Variants in GNA14 observed in about 807,000 individuals in gnomAD.
GNA14 encodes the protein guanine nucleotide-binding protein subunit alpha-14.
Under a neutral mutation model 42.0 loss-of-function variants are expected in GNA14, and 50 were observed. The observed-to-expected ratio is 1.19, with a 90% CI of 0.95 to 1.51. The LOEUF is 1.51. Ranked by LOEUF, GNA14 falls within the 40% of genes most tolerant of loss-of-function variation. The pLI, the probability that GNA14 is intolerant of heterozygous loss-of-function variation, is 0.00. For missense variants in GNA14, 473 were observed against 446.2 expected, an observed-to-expected ratio of 1.06 and a Z score of -0.54; for synonymous variants, 173 against 163.1, an observed-to-expected ratio of 1.06 and a Z score of -0.46.
chr9:77,431,177 C>G, intron 4 of GNA14, 144 bp downstream of exon 4: 1 of 717,194 alleles, frequency 1.4e-6, no homozygotes. Flanking sequence ...ACCTACCTAC[C>G]ACAATTCTAA....
intron 1 of GNA14, among the ~76,000 whole-genome samples, chr9:77,642,098 T>C (rs563403981): frequency 1.3e-5 from 2 of 152,292 alleles, no homozygotes; most frequent in African/African-American, 4.8e-5. Context: ...ATGATGGAAG[T>C]GTTTATAGAT....
chr9:77,548,930 C>G (rs753871991), intron 1 of GNA14, among the ~76,000 whole-genome samples: 8 of 152,056 alleles, frequency 5.3e-5, no homozygotes, highest in Middle Eastern at 6.8e-3. Context: ...AATGAGAAAG[C>G]CTTTCTTTTT....
At chr9:77,498,481 G>C (rs528132212) in intron 2 of GNA14, among the ~76,000 whole-genome samples, 6 of 151,900 alleles carry the variant, frequency 3.9e-5, no homozygotes, top group Admixed American at 3.9e-4. Flanking sequence ...ATAGGGCCAA[G>C]CCCGTAGGAG....
intron 2 of GNA14, among the ~76,000 whole-genome samples, chr9:77,460,572 T>G (rs907962447): frequency 6.6e-6 from 1 of 152,134 alleles, no homozygotes; most frequent in East Asian, 1.9e-4. Context: ...TGACTGAGCC[T>G]TGGCTGGGAG....
chr9:77,646,927 G>A (rs1028019457), intron 1 of GNA14, among the ~76,000 whole-genome samples: 1 of 152,212 alleles, frequency 6.6e-6, no homozygotes, highest in Non-Finnish European at 1.5e-5. Flanking sequence ...CCTGCCAGAG[G>A]CACCAGGGCA....
At chr9:77,478,715 C>T (rs1836483045) in intron 2 of GNA14, among the ~76,000 whole-genome samples, 1 of 152,032 alleles carries the variant, frequency 6.6e-6, no homozygotes, top group South Asian at 2.1e-4. Flanking sequence ...TTAATGATTG[C>T]CATTCTAACT....
chr9:77,562,302 G>C (rs959681327), intron 1 of GNA14, among the ~76,000 whole-genome samples: 2 of 152,138 alleles, frequency 1.3e-5, no homozygotes, highest in African/African-American at 4.8e-5. Flanking sequence ...CGTCTGCAAC[G>C]TCTTAACAGG....
At chr9:77,503,916 A>G (rs2131745029) in intron 2 of GNA14, among the ~76,000 whole-genome samples, 1 of 152,236 alleles carries the variant, frequency 6.6e-6, no homozygotes, top group Admixed American at 6.5e-5. Context: ...TCCTGACCTC[A>G]AGTGATCCAC....
At chr9:77,452,644 T>TG (rs1564018411) in intron 2 of GNA14, among the ~76,000 whole-genome samples, 4 of 1,106 alleles carry the variant, frequency 3.6e-3, no homozygotes, top group African/African-American at 5.7e-3. Context: ...GTGTGTGTGT[T>TG]TGTGTTTGTG....
chr9:77,428,193 C>T (rs928309276), intron 5 of GNA14, among the ~76,000 whole-genome samples: 1 of 151,592 alleles, frequency 6.6e-6, no homozygotes, highest in African/African-American at 2.4e-5. Context: ...ATTCTCCTGC[C>T]TCAGCCTCCT....
intron 1 of GNA14, among the ~76,000 whole-genome samples, chr9:77,632,034 C>T (rs1275457862): frequency 6.6e-6 from 1 of 152,054 alleles, no homozygotes; most frequent in Non-Finnish European, 1.5e-5. Context: ...CCCTGCTGGC[C>T]ACCGCTGCAG....
intron 2 of GNA14, among the ~76,000 whole-genome samples, chr9:77,440,044 A>T (rs1835705660): frequency 6.6e-6 from 1 of 152,236 alleles, no homozygotes; most frequent in Non-Finnish European, 1.5e-5. Context: ...AATTGAAAAA[A>T]ATATCACTCT....
chr9:77,585,281 T>C (rs913971558), intron 1 of GNA14, among the ~76,000 whole-genome samples: 1 of 152,176 alleles, frequency 6.6e-6, no homozygotes, highest in Non-Finnish European at 1.5e-5. Flanking sequence ...AAGAATTATT[T>C]TGAGCTGATT....
chr9:77,644,639 T>C (rs1016350474), intron 1 of GNA14, among the ~76,000 whole-genome samples: 1 of 152,026 alleles, frequency 6.6e-6, no homozygotes, highest in Non-Finnish European at 1.5e-5. Flanking sequence ...TGTTGAAGCC[T>C]CCCAGTCTGT....
intron 2 of GNA14, among the ~76,000 whole-genome samples, chr9:77,471,819 TA>T (rs1189405276): frequency 1.3e-5 from 2 of 152,168 alleles, no homozygotes; most frequent in Non-Finnish European, 2.9e-5. Flanking sequence ...ATAAAGGTCA[TA>T]AAAAGCTGTT....
intron 1 of GNA14, among the ~76,000 whole-genome samples, chr9:77,535,478 A>G (rs1179812818): frequency 6.6e-6 from 1 of 152,142 alleles, no homozygotes; most frequent in African/African-American, 2.4e-5. Flanking sequence ...CGGGAGGCAG[A>G]GGTTGCACTG....
intron 2 of GNA14, among the ~76,000 whole-genome samples, chr9:77,439,240 G>A (rs190726141): frequency 3.2e-4 from 49 of 152,262 alleles, no homozygotes; most frequent in African/African-American, 1.2e-3. Flanking sequence ...GGAGGAATGA[G>A]GAAGGGAGTA....
At chr9:77,489,538 T>C (rs2131734789) in intron 2 of GNA14, among the ~76,000 whole-genome samples, 1 of 152,352 alleles carries the variant, frequency 6.6e-6, no homozygotes, top group South Asian at 2.1e-4. Context: ...TTCCACTGAC[T>C]TCAAGAATGA....
intron 1 of GNA14, among the ~76,000 whole-genome samples, chr9:77,602,198 G>A (rs772862217): frequency 6.6e-6 from 1 of 152,166 alleles, no homozygotes; most frequent in African/African-American, 2.4e-5. Flanking sequence ...CGTAAAGCTT[G>A]AATTATGCTC....
Sources: allele counts gnomAD v4.1 joint callset (sites outside exome capture counted in the v4.1 genomes callset), GRCh38; gene constraint gnomAD v4.1.1; transcripts MANE v1.5; gene names NCBI Gene and HGNC (gene_info 2026-07-23, HGNC 2026-07-21).